The following PALLD variants were observed in gnomAD, a reference collection of about 807,000 sequenced individuals.
PALLD encodes the protein palladin.
In PALLD, 61 loss-of-function variants were observed where a neutral mutation model predicts 123.5. That is an observed-to-expected ratio of 0.49 (90% CI 0.40 to 0.61). The LOEUF is 0.61. PALLD is among the 20% of genes least tolerant of loss of function. The pLI, the probability that PALLD is intolerant of heterozygous loss-of-function variation, is 0.00. For synonymous variants in PALLD, 465 were observed against 496.4 expected, an observed-to-expected ratio of 0.94 and a Z score of 0.84; for missense variants, 1,273 against 1,377.0, an observed-to-expected ratio of 0.92 and a Z score of 1.20.
At chr4:168,649,706 T>C (rs1194733394) in intron 2 of PALLD, among the ~76,000 whole-genome samples, 1 of 152,200 alleles carries the variant, frequency 6.6e-6, no homozygotes, top group African/African-American at 2.4e-5. Flanking sequence ...AATATGGGTA[T>C]AAAAGACCTC....
intron 2 of PALLD, among the ~76,000 whole-genome samples, chr4:168,615,414 A>C (rs2149781708): frequency 6.6e-6 from 1 of 152,378 alleles, no homozygotes; most frequent in South Asian, 2.1e-4. Flanking sequence ...ATTTCTCCTT[A>C]CAATTTCACA....
chr4:168,636,965 T>C (rs981814694), intron 2 of PALLD, among the ~76,000 whole-genome samples: 6 of 152,000 alleles, frequency 3.9e-5, no homozygotes, highest in African/African-American at 1.4e-4. Flanking sequence ...ACAAGCATGC[T>C]TTGCTGGTTA....
At chr4:168,529,075 G>A (rs534380495) in intron 2 of PALLD, among the ~76,000 whole-genome samples, 8 of 152,240 alleles carry the variant, frequency 5.3e-5, no homozygotes, top group Admixed American at 2.6e-4. Flanking sequence ...GGCCGGGCAC[G>A]GTGGCTCACA....
intron 17 of PALLD, 148 bp downstream of exon 17, chr4:168,916,175 T>C: frequency 1.2e-6 from 1 of 817,640 alleles, no homozygotes; most frequent in Non-Finnish European, 2.1e-6. Flanking sequence ...CACTTTAGAG[T>C]CCAAAGCCGG....
chr4:168,673,173 G>A (rs1327198781), intron 3 of PALLD, among the ~76,000 whole-genome samples: 1 of 152,196 alleles, frequency 6.6e-6, no homozygotes, highest in East Asian at 1.9e-4. Context: ...GAACAAGCAG[G>A]CCTCTGCCAT....
intron 1 of PALLD, among the ~76,000 whole-genome samples, chr4:168,499,992 A>G (rs1761227373): frequency 6.6e-6 from 1 of 152,258 alleles, no homozygotes; most frequent in Non-Finnish European, 1.5e-5. Flanking sequence ...TGAGAGAAGA[A>G]AACTTTGCAG....
At chr4:168,581,221 A>C (rs1351844805) in intron 2 of PALLD, among the ~76,000 whole-genome samples, 2 of 151,960 alleles carry the variant, frequency 1.3e-5, no homozygotes, top group African/African-American at 2.4e-5. Context: ...GTGGGAGTGC[A>C]GATGTCTCTT....
chr4:168,533,588 C>T (rs1415401957), intron 2 of PALLD, among the ~76,000 whole-genome samples: 1 of 152,118 alleles, frequency 6.6e-6, no homozygotes, highest in Admixed American at 6.5e-5. Flanking sequence ...ACGATGTTTA[C>T]GTTACGGACT....
At chr4:168,795,852 G>T (rs997931981) in intron 10 of PALLD, among the ~76,000 whole-genome samples, 1 of 151,804 alleles carries the variant, frequency 6.6e-6, no homozygotes, top group South Asian at 2.1e-4. Flanking sequence ...GTGACCACAG[G>T]CAAGCACCAC....
At chr4:168,752,131 G>A (rs1207155833) in intron 10 of PALLD, among the ~76,000 whole-genome samples, 1 of 152,190 alleles carries the variant, frequency 6.6e-6, no homozygotes, top group African/African-American at 2.4e-5. Context: ...CCAGCACTTC[G>A]GGAGGCCGAG....
At chr4:168,718,445 T>C (rs916425720) in intron 10 of PALLD, among the ~76,000 whole-genome samples, 2 of 152,354 alleles carry the variant, frequency 1.3e-5, no homozygotes, top group South Asian at 2.1e-4. Flanking sequence ...CCAATATTTC[T>C]AATTTTTTAC....
chr4:168,519,927 CACTGA>C (rs1763366156), intron 2 of PALLD, among the ~76,000 whole-genome samples: 1 of 150,684 alleles, frequency 6.6e-6, no homozygotes, highest in African/African-American at 2.4e-5. Flanking sequence ...TGTGTATTTG[CACTGA>C]ATTGAACAAA....
intron 2 of PALLD, among the ~76,000 whole-genome samples, chr4:168,559,786 C>T (rs1198707462): frequency 6.6e-6 from 1 of 151,830 alleles, no homozygotes; most frequent in Non-Finnish European, 1.5e-5. Context: ...ACTACAGGCA[C>T]CTGCCTGTAG....
rs568004227 is a variant in PALLD, at chr4:168,829,497, T to C, written c.1965-61425T>C. The stretch of plus-strand genomic sequence containing the variant: ...TTTATGTTGTGAAAGGACTCCTAAA[T>C]CATAAAATCATAAAATTTAAGAAGC... On this transcript the variant is annotated intron_variant, in intron 10 of 21. Coordinates refer to ENST00000505667, the MANE Select transcript of PALLD (RefSeq NM_001166108.2). Among the ~76,000 whole-genome samples, 98 of 152,276 alleles carry C rather than the reference T, an allele frequency of 6.4e-4. 1 individual carries two copies. The highest frequency in any genetic ancestry group is 2.2e-3 in the African/African-American group (90 of 41,562).
At chr4:168,863,514 G>A (rs1022374920) in intron 10 of PALLD, among the ~76,000 whole-genome samples, 9 of 152,124 alleles carry the variant, frequency 5.9e-5, no homozygotes, top group African/African-American at 2.2e-4. Context: ...CCCCTGTCCT[G>A]GAAATCCCTC....
intron 10 of PALLD, among the ~76,000 whole-genome samples, chr4:168,841,689 C>T (rs1746062902): frequency 6.6e-6 from 1 of 152,180 alleles, no homozygotes; most frequent in Non-Finnish European, 1.5e-5. Context: ...CATGCAGCCT[C>T]TACAACTCTG....
intron 6 of PALLD, among the ~76,000 whole-genome samples, chr4:168,689,966 G>A (rs1309824985): frequency 6.6e-6 from 1 of 152,194 alleles, no homozygotes; most frequent in Non-Finnish European, 1.5e-5. Context: ...TTGGTCTGGA[G>A]TTGGAGTGCG....
chr4:168,715,016 G>C (rs1340410399), intron 10 of PALLD, among the ~76,000 whole-genome samples: 1 of 152,056 alleles, frequency 6.6e-6, no homozygotes, highest in African/African-American at 2.4e-5. Flanking sequence ...TCCAACAGAA[G>C]TCGTCACCTA....
At chr4:168,612,604 C>T (rs1327667254) in intron 2 of PALLD, among the ~76,000 whole-genome samples, 1 of 151,968 alleles carries the variant, frequency 6.6e-6, no homozygotes, top group African/African-American at 2.4e-5. Context: ...GACATTTGCC[C>T]CCAAACGTAA....
Sources: gnomAD v4.1 joint callset for allele counts (sites outside exome capture counted in the v4.1 genomes callset) on GRCh38, gnomAD v4.1.1 for gene constraint, MANE v1.5 for transcripts, NCBI Gene and HGNC (gene_info 2026-07-23, HGNC 2026-07-21) for gene names.